Variants in SEMA3A observed in about 807,000 individuals in gnomAD.
SEMA3A encodes semaphorin-3A.
Under a neutral mutation model 97.9 loss-of-function variants are expected in SEMA3A, and 29 were observed. That is an observed-to-expected ratio of 0.30 (90% CI 0.22 to 0.40). The LOEUF (loss-of-function observed/expected upper bound fraction) is 0.40, where lower values mean the gene tolerates loss of function less well. Among genes scored for constraint, SEMA3A ranks in the 10% least tolerant of loss-of-function variants. The pLI is 1.00. For synonymous variants in SEMA3A, 321 were observed against 323.7 expected (o/e 0.99, Z 0.09); for missense variants, 763 against 951.3 (o/e 0.80, Z 2.60).
chr7:84,001,889 T>G, intron 12 of SEMA3A, 66 bp downstream of exon 12: 1 of 1,078,070 alleles, frequency 9.3e-7, no homozygotes, highest in Non-Finnish European at 1.4e-6. Context: ...AAGTTCAGTG[T>G]GCAGCTGTCC....
chr7:84,423,751 A>T (rs528528521), intron 1 of SEMA3A, among the ~76,000 whole-genome samples: 47 of 152,090 alleles, frequency 3.1e-4, no homozygotes, highest in African/African-American at 8.4e-4. Flanking sequence ...TGCCAACTAT[A>T]CATCCAACGA....
intron 1 of SEMA3A, among the ~76,000 whole-genome samples, chr7:84,471,395 A>C (rs753007179): frequency 6.6e-6 from 1 of 152,160 alleles, no homozygotes; most frequent in Non-Finnish European, 1.5e-5. Context: ...GGACGTAAGG[A>C]CATCCCTAAA....
chr7:84,260,111 A>G (rs947801980), intron 3 of SEMA3A, among the ~76,000 whole-genome samples: 2 of 152,242 alleles, frequency 1.3e-5, no homozygotes, highest in African/African-American at 4.8e-5. Flanking sequence ...GTGAACAAGT[A>G]AATGAATAAA....
At chr7:84,372,557 T>C (rs1802999950) in intron 1 of SEMA3A, among the ~76,000 whole-genome samples, 1 of 152,022 alleles carries the variant, frequency 6.6e-6, no homozygotes, top group South Asian at 2.1e-4. Flanking sequence ...GAGTCACTCA[T>C]TGAGAGTTTT....
intron 2 of SEMA3A, among the ~76,000 whole-genome samples, chr7:84,323,334 C>T (rs1801697067): frequency 6.6e-6 from 1 of 152,192 alleles, no homozygotes; most frequent in East Asian, 1.9e-4. Context: ...CTAAAGTTTG[C>T]TAATATTCAT....
intron 1 of SEMA3A, among the ~76,000 whole-genome samples, chr7:84,455,822 G>A (rs942653556): frequency 6.6e-5 from 10 of 151,816 alleles, no homozygotes; most frequent in African/African-American, 9.7e-5. Flanking sequence ...ATATGGGAGA[G>A]GGAAAAAATT....
intron 4 of SEMA3A, among the ~76,000 whole-genome samples, chr7:84,094,466 G>C (rs1394122363): frequency 4.0e-5 from 6 of 151,772 alleles, no homozygotes; most frequent in African/African-American, 1.5e-4. Flanking sequence ...CAAGGTTAAG[G>C]CTCCGCTGGC....
At chr7:84,115,387 T>C (rs1396109985) in intron 3 of SEMA3A, among the ~76,000 whole-genome samples, 1 of 152,124 alleles carries the variant, frequency 6.6e-6, no homozygotes, top group East Asian at 1.9e-4. Flanking sequence ...AGAAATATTG[T>C]TCAAGACTCT....
chr7:84,303,253 TAA>T (rs1268401824), intron 3 of SEMA3A, among the ~76,000 whole-genome samples: 2 of 152,094 alleles, frequency 1.3e-5, no homozygotes, highest in East Asian at 3.9e-4. Context: ...GGCCGTGAGG[TAA>T]GAGCTTGCTA....
intron 1 of SEMA3A, among the ~76,000 whole-genome samples, chr7:84,158,781 T>C (rs1227560360): frequency 6.6e-6 from 1 of 152,218 alleles, no homozygotes; most frequent in Non-Finnish European, 1.5e-5. Context: ...ATTCTTACAT[T>C]GACACTTGCA....
chr7:83,997,571 A>G lies in SEMA3A; in HGVS notation c.1452+4384T>C, dbSNP rs148175775. On this transcript the variant is annotated intron_variant, in intron 12 of 16. Transcript: ENST00000265362. The stretch of plus-strand genomic sequence containing the variant: ...GAGTGCCAAAGAAATAATAATGACA[A>G]TAATGCATAGCAGAGAATATGGAGG... 3.2e-3 allele frequency among the ~76,000 whole-genome samples: 483 copies of G among 152,324 alleles called. 3 individuals are homozygous for G. Among genetic ancestry groups the G allele is most frequent in the African/African-American group, 0.011 (450 of 41,558 alleles).
chr7:84,242,078 T>C (rs1799376735), intron 3 of SEMA3A, among the ~76,000 whole-genome samples: 1 of 152,194 alleles, frequency 6.6e-6, no homozygotes, highest in African/African-American at 2.4e-5. Flanking sequence ...ACCAGCTTTG[T>C]TCTTTTTGCT....
At chr7:84,366,194 A>C (rs1202130275) in intron 2 of SEMA3A, among the ~76,000 whole-genome samples, 1 of 151,298 alleles carries the variant, frequency 6.6e-6, no homozygotes, top group Non-Finnish European at 1.5e-5. Flanking sequence ...CCTCTGATTT[A>C]ATTTTATGTT....
At chr7:84,414,776 C>T (rs1019024359) in intron 1 of SEMA3A, among the ~76,000 whole-genome samples, 3 of 151,902 alleles carry the variant, frequency 2.0e-5, no homozygotes, top group Non-Finnish European at 4.4e-5. Flanking sequence ...TCACATTAAA[C>T]TAAAAAGACA....
chr7:84,000,271 T>C (rs1425641398), intron 12 of SEMA3A, among the ~76,000 whole-genome samples: 1 of 152,090 alleles, frequency 6.6e-6, no homozygotes, highest in African/African-American at 2.4e-5. Flanking sequence ...ACATGGTGAT[T>C]GATAAGGATT....
intron 5 of SEMA3A, among the ~76,000 whole-genome samples, chr7:84,051,582 G>A (rs1303334216): frequency 6.6e-6 from 1 of 152,204 alleles, no homozygotes; most frequent in African/African-American, 2.4e-5. Flanking sequence ...CTTTGCTGAA[G>A]TTGCTTATCA....
At chr7:84,325,148 T>TATC (rs1801745041) in intron 2 of SEMA3A, among the ~76,000 whole-genome samples, 1 of 150,336 alleles carries the variant, frequency 6.7e-6, no homozygotes, top group African/African-American at 2.5e-5. Flanking sequence ...TCTATCTATC[T>TATC]ATCTATCTAT....
chr7:84,300,769 A>T (rs1454639610), intron 3 of SEMA3A, among the ~76,000 whole-genome samples: 11 of 152,024 alleles, frequency 7.2e-5, no homozygotes, highest in Admixed American at 5.3e-4. Context: ...GATTTTATTT[A>T]AAAAAAAGAA....
At chr7:84,229,318 A>G (rs1319367355) in intron 3 of SEMA3A, among the ~76,000 whole-genome samples, 3 of 152,118 alleles carry the variant, frequency 2.0e-5, no homozygotes, top group Non-Finnish European at 2.9e-5. Flanking sequence ...TGCAAATTAA[A>G]CTCATTAGGC....
Sources: gnomAD v4.1 joint callset for allele counts (sites outside exome capture counted in the v4.1 genomes callset) on GRCh38, gnomAD v4.1.1 for gene constraint, MANE v1.5 for transcripts, NCBI Gene and HGNC (gene_info 2026-07-23, HGNC 2026-07-21) for gene names.